The following DCC variants were observed in gnomAD, a reference collection of about 807,000 sequenced individuals.
DCC encodes the protein DCC netrin 1 receptor.
DCC carries 58 observed loss-of-function variants against 172.5 expected under a neutral mutation model. The observed-to-expected ratio is 0.34, with a 90% CI of 0.27 to 0.42. The LOEUF (loss-of-function observed/expected upper bound fraction) is 0.42, where lower values mean the gene tolerates loss of function less well. Ranked by LOEUF, DCC falls within the 10% of genes least tolerant of loss-of-function variation. The pLI, the probability that DCC is intolerant of heterozygous loss-of-function variation, is 1.00. For missense variants in DCC, 1,740 were observed against 1,791.0 expected (o/e 0.97, Z 0.51); for synonymous variants, 709 against 644.5 (o/e 1.10, Z -1.52).
chr18:53,214,816 CT>C (rs919365401), intron 11 of DCC, among the ~76,000 whole-genome samples: 11 of 152,046 alleles, frequency 7.2e-5, no homozygotes, highest in African/African-American at 2.7e-4. Flanking sequence ...AGAATATTCA[CT>C]TTTTTGGTAG....
At chr18:53,526,957 G>C in intron 28 of DCC, 198 bp downstream of exon 28, 1 of 603,860 alleles carries the variant, frequency 1.7e-6, no homozygotes, top group Non-Finnish European at 2.9e-6. Flanking sequence ...AATTATGTCA[G>C]AGACTTAGTT....
At chr18:52,701,050 ATTGT>A (rs1030705116) in intron 1 of DCC, among the ~76,000 whole-genome samples, 8 of 152,196 alleles carry the variant, frequency 5.3e-5, no homozygotes, top group African/African-American at 1.7e-4. Flanking sequence ...AGTGACTAAC[ATTGT>A]TTGGGAAATT....
rs139243671 is a variant in DCC at position 52,451,390 on chromosome 18, G to A, written c.91+110512G>A. ...AGAGATTGCACAACCACAAAAAGGA[G>A]GCAAGGGATTCAAAAAGCATCATTT... On this transcript the variant is annotated intron_variant, in intron 1 of 28. Transcript: ENST00000442544. 7.0e-3 allele frequency among the ~76,000 whole-genome samples: 1,060 copies of A among 152,230 alleles called. 6 individuals carry two copies. The highest frequency in any genetic ancestry group is 0.027 in the Middle Eastern group (8 of 294).
intron 6 of DCC, among the ~76,000 whole-genome samples, chr18:53,065,137 G>T (rs2042548192): frequency 6.6e-6 from 1 of 152,098 alleles, no homozygotes; most frequent in Admixed American, 6.6e-5. Flanking sequence ...TAAGTTATAT[G>T]AAAATTCTTA....
rs536431585 is a variant in DCC, at chr18:53,094,861, C to T, written c.1261+28695C>T. 4.0e-5 allele frequency among the ~76,000 whole-genome samples: 6 copies of T among 151,858 alleles called. No individual in the cohort carries two copies. In the East Asian group the frequency reaches 1.2e-3, roughly 29 times the overall value. On this transcript the variant is annotated intron_variant, in intron 7 of 28. Transcript: ENST00000442544. ...CTCATTTAATATTTTCTGAGGCCACCTAATATTTGGATGTGCTTAACTGGG... is the reference window on the plus strand; with the variant it reads ...CTCATTTAATATTTTCTGAGGCCACTTAATATTTGGATGTGCTTAACTGGG...
intron 1 of DCC, among the ~76,000 whole-genome samples, chr18:52,364,571 C>T (rs113777231): frequency 0.014 from 2,169 of 152,278 alleles, 52 homozygotes; most frequent in African/African-American, 0.049. Context: ...GTGAGGAAAA[C>T]ATTTATTACA....
At chr18:53,084,158 T>C (rs7504413) in intron 7 of DCC, among the ~76,000 whole-genome samples, 103,707 of 152,088 alleles carry the variant, frequency 0.68, 36,912 homozygotes, top group African/African-American at 0.87. Flanking sequence ...TGAAGGCTCT[T>C]TACAGAGTCC....
Position 52,481,992 on chromosome 18 carries a change from A to G in DCC, c.91+141114A>G, listed in dbSNP as rs146941252. Among the ~76,000 whole-genome samples, 377 of 152,180 alleles carry G rather than the reference A, an allele frequency of 2.5e-3. 5 individuals are homozygous for G. The highest frequency in any genetic ancestry group is 8.5e-3 in the African/African-American group (354 of 41,524). On this transcript the variant is annotated intron_variant, in intron 1 of 28. Coordinates refer to ENST00000442544, the MANE Select transcript of DCC (RefSeq NM_005215.4). ...TTTGATATTTCCTACCATATCACTA[A>G]CATGCTTAAATAGTGTTTTAGTCAA... is the stretch of plus-strand genomic sequence containing the variant.
chr18:52,991,393 C>G (rs771483269), intron 5 of DCC, among the ~76,000 whole-genome samples: 11 of 152,160 alleles, frequency 7.2e-5, no homozygotes, highest in African/African-American at 1.2e-4. Context: ...TTACCACACA[C>G]TTATTGGCAG....
At position 52,526,385 on chromosome 18, in the gene DCC, A is replaced by G. The variant is rs546163226; in HGVS notation, c.91+185507A>G. On this transcript the variant is annotated intron_variant, in intron 1 of 28. Coordinates refer to ENST00000442544, the MANE Select transcript of DCC (RefSeq NM_005215.4). ...AAAATCAGTGACAGCAGCCCCTGAT[A>G]TATAGGCAATCAAAGGCAAGGTCTT... Among the ~76,000 whole-genome samples, 87 of 152,296 alleles carry G rather than the reference A, an allele frequency of 5.7e-4. 1 individual carries two copies. The South Asian group carries it at 0.018, about 31-fold the overall frequency.
intron 3 of DCC, among the ~76,000 whole-genome samples, chr18:52,921,554 C>A (rs1031604629): frequency 1.1e-4 from 16 of 151,718 alleles, no homozygotes; most frequent in Admixed American, 3.3e-4. Context: ...CCAAAATGAG[C>A]CAGGTGTGGT....
intron 12 of DCC, among the ~76,000 whole-genome samples, chr18:53,252,120 G>T (rs1032152093): frequency 6.6e-6 from 1 of 151,836 alleles, no homozygotes; most frequent in African/African-American, 2.4e-5. Context: ...TAAGTCAAAT[G>T]ATTTTGTCTA....
intron 21 of DCC, among the ~76,000 whole-genome samples, chr18:53,420,564 G>T (rs911928948): frequency 1.3e-5 from 2 of 152,116 alleles, no homozygotes; most frequent in Non-Finnish European, 2.9e-5. Flanking sequence ...GTCAGTTTCT[G>T]GTGAGGGTCC....
At chr18:52,823,870 C>A (rs1403358001) in intron 2 of DCC, among the ~76,000 whole-genome samples, 4 of 152,094 alleles carry the variant, frequency 2.6e-5, no homozygotes, top group Admixed American at 6.5e-5. Context: ...GTCCAGGGAA[C>A]AACACGTATG....
chr18:52,534,952 C>T (rs1257391654), intron 1 of DCC, among the ~76,000 whole-genome samples: 3 of 152,116 alleles, frequency 2.0e-5, no homozygotes, highest in Non-Finnish European at 2.9e-5. Flanking sequence ...AGATATTGAG[C>T]ACAATATATC....
intron 14 of DCC, 96 bp downstream of exon 14, chr18:53,322,253 G>T: frequency 2.7e-6 from 2 of 743,758 alleles, no homozygotes; most frequent in Non-Finnish European, 4.9e-6. Flanking sequence ...CAACTTTGGG[G>T]ACATTGATTC....
At chr18:52,453,572 G>C (rs1407083188) in intron 1 of DCC, among the ~76,000 whole-genome samples, 1 of 152,158 alleles carries the variant, frequency 6.6e-6, no homozygotes, top group Non-Finnish European at 1.5e-5. Context: ...CAAAGTAATT[G>C]AATAAAATGG....
intron 12 of DCC, among the ~76,000 whole-genome samples, chr18:53,301,091 C>G (rs973065612): frequency 1.4e-5 from 2 of 138,294 alleles, no homozygotes; most frequent in African/African-American, 2.7e-5. Flanking sequence ...TTCTTTCTTT[C>G]TCTCTTTCTT....
intron 14 of DCC, among the ~76,000 whole-genome samples, chr18:53,324,401 T>C (rs1271984183): frequency 6.6e-6 from 1 of 152,216 alleles, no homozygotes; most frequent in Non-Finnish European, 1.5e-5. Flanking sequence ...AAATAAAGTC[T>C]ATACACCCAA....
Sources: allele counts gnomAD v4.1 joint callset (sites outside exome capture counted in the v4.1 genomes callset), GRCh38; gene constraint gnomAD v4.1.1; transcripts MANE v1.5; gene names NCBI Gene and HGNC (gene_info 2026-07-23, HGNC 2026-07-21).